The following ARHGAP15 variants were observed in gnomAD, a reference collection of about 807,000 sequenced individuals.
ARHGAP15 encodes the protein Rho GTPase activating protein 15.
Under a neutral mutation model 63.7 loss-of-function variants are expected in ARHGAP15, and 51 were observed. The ratio of observed to expected loss-of-function variants is 0.80; its 90% confidence interval spans 0.64 to 1.01. The LOEUF (loss-of-function observed/expected upper bound fraction) is 1.01, where lower values mean the gene tolerates loss of function less well. Ranked by LOEUF, ARHGAP15 falls within the 50% of genes least tolerant of loss-of-function variation. ARHGAP15 has a pLI of 0.00. For missense variants in ARHGAP15, 560 were observed against 564.6 expected (o/e 0.99, Z 0.08); for synonymous variants, 191 against 193.8 (o/e 0.99, Z 0.12).
chr2:143,554,595 A>G (rs1311383499), intron 10 of ARHGAP15, among the ~76,000 whole-genome samples: 1 of 152,188 alleles, frequency 6.6e-6, no homozygotes, highest in African/African-American at 2.4e-5. Flanking sequence ...AAAATTTCAT[A>G]GGTTAAAACT....
At chr2:143,370,207 G>A (rs1226400557) in intron 6 of ARHGAP15, among the ~76,000 whole-genome samples, 1 of 152,074 alleles carries the variant, frequency 6.6e-6, no homozygotes, top group Admixed American at 6.6e-5. Context: ...TTTAGCTCAT[G>A]GTGTTTCTTT....
intron 6 of ARHGAP15, among the ~76,000 whole-genome samples, chr2:143,408,984 T>A (rs1381430358): frequency 6.6e-6 from 1 of 151,978 alleles, no homozygotes; most frequent in South Asian, 2.1e-4. Flanking sequence ...TTGAAGGGTG[T>A]ATCTTACATG....
chr2:143,744,035 G>A (rs1171892779), intron 13 of ARHGAP15, among the ~76,000 whole-genome samples: 1 of 152,028 alleles, frequency 6.6e-6, no homozygotes, highest in Non-Finnish European at 1.5e-5. Flanking sequence ...AATCACCTTT[G>A]GAAACTGCAT....
intron 9 of ARHGAP15, among the ~76,000 whole-genome samples, chr2:143,514,581 C>G (rs4561605): frequency 0.41 from 62,309 of 152,110 alleles, 12,978 homozygotes; most frequent in Non-Finnish European, 0.45. Context: ...TCACCAAAAA[C>G]CTGGACTCAT....
chr2:143,686,841 A>C (rs1378068273), intron 12 of ARHGAP15, among the ~76,000 whole-genome samples: 1 of 152,214 alleles, frequency 6.6e-6, no homozygotes, highest in Non-Finnish European at 1.5e-5. Context: ...TTTTGACTTA[A>C]AACTGAGCCA....
intron 6 of ARHGAP15, among the ~76,000 whole-genome samples, chr2:143,369,076 T>G (rs989466848): frequency 1.3e-5 from 2 of 152,144 alleles, no homozygotes; most frequent in Admixed American, 1.3e-4. Flanking sequence ...TAAAAAATAT[T>G]GCACAGACAT....
chr2:143,395,828 T>C (rs1348006633), intron 6 of ARHGAP15, among the ~76,000 whole-genome samples: 1 of 151,988 alleles, frequency 6.6e-6, no homozygotes, highest in Non-Finnish European at 1.5e-5. Context: ...AGAAACGTAA[T>C]ACAGGTCCCT....
intron 6 of ARHGAP15, among the ~76,000 whole-genome samples, chr2:143,384,825 C>G (rs1687206193): frequency 6.6e-6 from 1 of 152,168 alleles, no homozygotes; most frequent in South Asian, 2.1e-4. Context: ...TAATCCTAAC[C>G]TGTCCGGGGA....
chr2:143,472,101 T>G (rs958345092), intron 8 of ARHGAP15: 2 of 152,182 alleles, frequency 1.3e-5, no homozygotes, highest in Non-Finnish European at 2.9e-5. Flanking sequence ...TATACAATTG[T>G]GTGTCCTAAG....
At chr2:143,268,134 A>G (rs1681088656) in intron 6 of ARHGAP15, among the ~76,000 whole-genome samples, 1 of 151,906 alleles carries the variant, frequency 6.6e-6, no homozygotes. Flanking sequence ...ATTCAACTCT[A>G]TGTATGTAAC....
chr2:143,749,065 A>T (rs1686274532), intron 13 of ARHGAP15, among the ~76,000 whole-genome samples: 1 of 151,980 alleles, frequency 6.6e-6, no homozygotes, highest in South Asian at 2.1e-4. Flanking sequence ...GTAAAAAATC[A>T]CATTTTAACA....
chr2:143,210,397 T>G (rs945154996), intron 3 of ARHGAP15, among the ~76,000 whole-genome samples: 1 of 152,084 alleles, frequency 6.6e-6, no homozygotes, highest in African/African-American at 2.4e-5. Flanking sequence ...TGGGGGTTCT[T>G]AAACATCAAA....
At chr2:143,516,482 C>T (rs1334171418) in intron 9 of ARHGAP15, among the ~76,000 whole-genome samples, 4 of 151,972 alleles carry the variant, frequency 2.6e-5, no homozygotes, top group African/African-American at 4.8e-5. Flanking sequence ...CATTCAGTAC[C>T]TTTTATGACA....
At chr2:143,208,958 A>T (rs1692459362) in intron 3 of ARHGAP15, among the ~76,000 whole-genome samples, 2 of 152,154 alleles carry the variant, frequency 1.3e-5, no homozygotes, top group Admixed American at 1.3e-4. Flanking sequence ...GAGCTCAGGA[A>T]GTTGCTATGG....
chr2:143,309,092 A>G (rs889067629), intron 6 of ARHGAP15, among the ~76,000 whole-genome samples: 2 of 152,026 alleles, frequency 1.3e-5, no homozygotes, highest in Admixed American at 1.3e-4. Flanking sequence ...AGGACTGTTA[A>G]TAGAAAAATT....
At chr2:143,746,538 G>C (rs115205989) in intron 13 of ARHGAP15, among the ~76,000 whole-genome samples, 1 of 152,184 alleles carries the variant, frequency 6.6e-6, no homozygotes, top group East Asian at 1.9e-4. Context: ...CCTTTTGGGT[G>C]AGAAAAAGCT....
chr2:143,311,245 C>T (rs545770654), intron 6 of ARHGAP15, among the ~76,000 whole-genome samples: 35 of 151,464 alleles, frequency 2.3e-4, no homozygotes, highest in East Asian at 7.8e-4. Flanking sequence ...AATTCAAAGA[C>T]GTCCAGTTTT....
chr2:143,413,962 T>TGCGCGCGCGCGCGCGCGC (rs1337258046), intron 6 of ARHGAP15, among the ~76,000 whole-genome samples: 1 of 59,580 alleles, frequency 1.7e-5, no homozygotes, highest in Non-Finnish European at 3.6e-5. Context: ...TGTGTGTGTG[T>TGCGCGCGCGCGCGCGCGC]GTGTGCGCGC....
chr2:143,624,338 G>C (rs1698757784), intron 12 of ARHGAP15, 71 bp downstream of exon 12: 1 of 1,455,330 alleles, frequency 6.9e-7, no homozygotes, highest in Non-Finnish European at 9.2e-7. Context: ...TAAATAATAA[G>C]AATGATTATA....
Sources: allele counts gnomAD v4.1 joint callset (sites outside exome capture counted in the v4.1 genomes callset), GRCh38; gene constraint gnomAD v4.1.1; transcripts MANE v1.5; gene names NCBI Gene and HGNC (gene_info 2026-07-23, HGNC 2026-07-21).